GALNT13: variants seen among roughly 807,000 people sequenced by gnomAD.
The protein encoded by GALNT13 is UDP-GalNAc:polypeptide N-acetylgalactosaminyltransferase 13.
A neutral mutation model predicts 64.2 loss-of-function variants in GALNT13; 28 were observed. That is an observed-to-expected ratio of 0.44 (90% CI 0.32 to 0.60). The LOEUF is 0.60. Ranked by LOEUF, GALNT13 falls within the 20% of genes least tolerant of loss-of-function variation. The pLI, the probability that GALNT13 is intolerant of heterozygous loss-of-function variation, is 0.05. For synonymous variants in GALNT13, 214 were observed against 224.6 expected, an observed-to-expected ratio of 0.95 and a Z score of 0.42; for missense variants, 577 against 669.8, an observed-to-expected ratio of 0.86 and a Z score of 1.53.
At chr2:153,812,723 T>C in the GALNT13 span, among the ~76,000 whole-genome samples, 2 of 152,148 alleles carry the variant, frequency 1.3e-5, no homozygotes, top group African/African-American at 4.8e-5. Flanking sequence ...TTATCTCAGG[T>C]GGAGGGAAAG....
chr2:154,390,840 T>G (rs1698758007), intron 9 of GALNT13, among the ~76,000 whole-genome samples: 1 of 152,186 alleles, frequency 6.6e-6, no homozygotes, highest in Non-Finnish European at 1.5e-5. Context: ...CTTAAAAACT[T>G]ATAAATTTTT....
the GALNT13 span, among the ~76,000 whole-genome samples, chr2:153,296,753 G>A: frequency 1.3e-5 from 2 of 151,908 alleles, no homozygotes; most frequent in African/African-American, 2.4e-5. Flanking sequence ...AAATGTACAT[G>A]GAAATAAAAC....
the GALNT13 span, among the ~76,000 whole-genome samples, chr2:153,179,672 T>C: frequency 2.0e-5 from 3 of 152,162 alleles, no homozygotes; most frequent in Non-Finnish European, 2.9e-5. Flanking sequence ...TATTAATTTT[T>C]CCATACCATG....
At chr2:153,957,777 A>G (rs777498550) in intron 3 of GALNT13, among the ~76,000 whole-genome samples, 12 of 151,822 alleles carry the variant, frequency 7.9e-5, no homozygotes, top group Admixed American at 1.3e-4. Flanking sequence ...TTTTTTTCCT[A>G]TTGCCCTGAG....
At chr2:153,624,408 G>A in the GALNT13 span, among the ~76,000 whole-genome samples, 2 of 151,966 alleles carry the variant, frequency 1.3e-5, no homozygotes, top group Non-Finnish European at 2.9e-5. Flanking sequence ...CCTGACTTTT[G>A]GATAATGGAA....
chr2:154,264,825 C>G (rs1690898956), intron 8 of GALNT13, among the ~76,000 whole-genome samples: 1 of 149,032 alleles, frequency 6.7e-6, no homozygotes, highest in Non-Finnish European at 1.5e-5. Context: ...AATCAATGAC[C>G]TTAGCTTCCA....
At chr2:153,293,368 A>G in the GALNT13 span, among the ~76,000 whole-genome samples, 6 of 152,250 alleles carry the variant, frequency 3.9e-5, no homozygotes, top group East Asian at 1.2e-3. Flanking sequence ...GCAGAATCAG[A>G]GAAGATATGA....
chr2:154,017,340 G>C (rs545590402), intron 3 of GALNT13, among the ~76,000 whole-genome samples: 65 of 152,190 alleles, frequency 4.3e-4, no homozygotes, highest in African/African-American at 1.4e-3. Flanking sequence ...TGTATGAGTA[G>C]GAATGGGCAG....
At chr2:153,472,789 A>G in the GALNT13 span, among the ~76,000 whole-genome samples, 1 of 152,232 alleles carries the variant, frequency 6.6e-6, no homozygotes, top group East Asian at 1.9e-4. Context: ...AATGAAAATA[A>G]GCTTTGTTTA....
chr2:153,215,657 A>G, the GALNT13 span, among the ~76,000 whole-genome samples: 2 of 152,008 alleles, frequency 1.3e-5, no homozygotes, highest in African/African-American at 4.8e-5. Context: ...TATTCTGTCC[A>G]TTATATCATG....
chr2:153,740,756 G>A, the GALNT13 span, among the ~76,000 whole-genome samples: 2 of 152,236 alleles, frequency 1.3e-5, no homozygotes, highest in Non-Finnish European at 2.9e-5. Context: ...TTGGGTGACA[G>A]CTCAAAAGTT....
chr2:153,299,808 T>A, the GALNT13 span, among the ~76,000 whole-genome samples: 1 of 152,222 alleles, frequency 6.6e-6, no homozygotes, highest in Non-Finnish European at 1.5e-5. Context: ...TCAACCACTT[T>A]CAATTTTTAT....
At chr2:153,906,333 G>A (rs35930961) in intron 2 of GALNT13, among the ~76,000 whole-genome samples, 29,979 of 149,966 alleles carry the variant, frequency 0.2, 3,882 homozygotes, top group Middle Eastern at 0.33. Context: ...CCATGTTGGT[G>A]TGCTGCACCT....
At chr2:154,438,944 A>G (rs1701139837) in intron 12 of GALNT13, among the ~76,000 whole-genome samples, 1 of 152,126 alleles carries the variant, frequency 6.6e-6, no homozygotes, top group Non-Finnish European at 1.5e-5. Context: ...GGACAATAAA[A>G]TCAGTTTTGT....
At chr2:153,908,779 A>T (rs903975122) in intron 2 of GALNT13, among the ~76,000 whole-genome samples, 3 of 151,716 alleles carry the variant, frequency 2.0e-5, no homozygotes. Context: ...GTACCATGCC[A>T]TTTTTTTATT....
At chr2:154,316,003 G>C (rs6720057) in intron 9 of GALNT13, among the ~76,000 whole-genome samples, 1 of 152,022 alleles carries the variant, frequency 6.6e-6, no homozygotes, top group Non-Finnish European at 1.5e-5. Flanking sequence ...CAGTAGAATC[G>C]CTTGAACCCT....
chr2:153,280,232 A>G, the GALNT13 span, among the ~76,000 whole-genome samples: 5 of 151,994 alleles, frequency 3.3e-5, no homozygotes, highest in African/African-American at 1.2e-4. Flanking sequence ...GCTGTTTCTA[A>G]TTGTGCTTAT....
intron 6 of GALNT13, among the ~76,000 whole-genome samples, chr2:154,244,866 A>C (rs1437600349): frequency 6.6e-6 from 1 of 152,090 alleles, no homozygotes. Flanking sequence ...TCACACCTAT[A>C]ATCCCAGCAT....
the GALNT13 span, among the ~76,000 whole-genome samples, chr2:153,753,040 T>C: frequency 6.6e-6 from 1 of 152,206 alleles, no homozygotes; most frequent in Non-Finnish European, 1.5e-5. Flanking sequence ...AGGACTCTAA[T>C]GCATTCTTCA....
Sources: gnomAD v4.1 joint callset for allele counts (sites outside exome capture counted in the v4.1 genomes callset) on GRCh38, gnomAD v4.1.1 for gene constraint, MANE v1.5 for transcripts, NCBI Gene and HGNC (gene_info 2026-07-23, HGNC 2026-07-21) for gene names.